TMEM164: variants seen among roughly 807,000 people sequenced by gnomAD.
TMEM164 encodes RP13-360B22.2.
A neutral mutation model predicts 18.8 loss-of-function variants in TMEM164; 4 were observed. The ratio of observed to expected loss-of-function variants is 0.21; its 90% confidence interval spans 0.10 to 0.49. The LOEUF (loss-of-function observed/expected upper bound fraction) is 0.49, where lower values mean the gene tolerates loss of function less well. TMEM164 is among the 20% of genes least tolerant of loss of function. TMEM164 has a pLI of 0.98. For synonymous variants in TMEM164, 86 were observed against 101.7 expected, an observed-to-expected ratio of 0.85 and a Z score of 0.93; for missense variants, 108 against 239.9, an observed-to-expected ratio of 0.45 and a Z score of 3.63.
At chrX:110,073,456 C>T (rs1019852689) in intron 3 of TMEM164, among the ~76,000 whole-genome samples, 1 of 112,327 alleles carries the variant, frequency 8.9e-6, no homozygotes, top group Non-Finnish European at 1.9e-5. Flanking sequence ...GCCTCAGCTG[C>T]ATCCATGCTG....
intron 5 of TMEM164, among the ~76,000 whole-genome samples, chrX:110,163,897 G>T (rs908400997): frequency 4.5e-5 from 5 of 112,206 alleles, no homozygotes; most frequent in African/African-American, 1.6e-4. Context: ...AGATAGATGG[G>T]TAAATGTGAT....
chrX:110,149,915 C>T (rs2066916683), intron 5 of TMEM164, among the ~76,000 whole-genome samples: 1 of 111,860 alleles, frequency 8.9e-6, no homozygotes, highest in Non-Finnish European at 1.9e-5. Flanking sequence ...TGCATCCGTT[C>T]ATCTCACATA....
chrX:110,105,749 ATGAGAGAGAGAGAGAGAG>A, intron 3 of TMEM164, among the ~76,000 whole-genome samples: 1 of 53,926 alleles, frequency 1.9e-5, no homozygotes, highest in Admixed American at 2.4e-4. Context: ...GAGAGAGAGA[ATGAGAGAGAGAGAGAGAG>A]AGAGAGAGAG....
intron 4 of TMEM164, among the ~76,000 whole-genome samples, chrX:110,135,052 T>C (rs1198129540): frequency 9.1e-5 from 3 of 32,808 alleles, no homozygotes; most frequent in Non-Finnish European, 1.8e-4. Flanking sequence ...AATACATTCA[T>C]TTGTTATAAA....
intron 2 of TMEM164, among the ~76,000 whole-genome samples, chrX:110,033,134 G>C (rs1210621145): frequency 8.9e-6 from 1 of 111,875 alleles, no homozygotes; most frequent in Admixed American, 9.5e-5. Flanking sequence ...AGTGCATTCT[G>C]TCTCTTCTCT....
chrX:110,056,696 G>A (rs1935850333), intron 2 of TMEM164, among the ~76,000 whole-genome samples: 1 of 111,480 alleles, frequency 9.0e-6, no homozygotes, highest in African/African-American at 3.3e-5. Flanking sequence ...ACATCCTCAT[G>A]CACACTTGTG....
chrX:110,024,964 A>T (rs772613456), intron 2 of TMEM164, among the ~76,000 whole-genome samples: 8 of 104,361 alleles, frequency 7.7e-5, no homozygotes, highest in Non-Finnish European at 1.2e-4. Flanking sequence ...GCTTGATCTT[A>T]AAATTTTTAT....
intron 3 of TMEM164, among the ~76,000 whole-genome samples, chrX:110,107,574 T>C (rs950703683): frequency 2.2e-4 from 24 of 110,797 alleles, no homozygotes; most frequent in African/African-American, 7.9e-4. Flanking sequence ...GTCTTGGGGT[T>C]TCTGTGCCAT....
chrX:110,065,123 A>G (rs932687400), intron 2 of TMEM164: 1 of 111,469 alleles, frequency 9.0e-6, no homozygotes, highest in Admixed American at 9.6e-5. Flanking sequence ...AGGACAACCA[A>G]CTGGGTTGAA....
At chrX:110,073,880 G>C (rs1022469515) in intron 3 of TMEM164, among the ~76,000 whole-genome samples, 1 of 110,546 alleles carries the variant, frequency 9.0e-6, no homozygotes, top group Non-Finnish European at 1.9e-5. Flanking sequence ...TCATTTTGTT[G>C]TTGTTGTTGT....
rs200507409 is a variant in TMEM164, at chrX:110,075,995, TCTC to T, written c.440+8605_440+8607del. 2.3e-3 allele frequency among the ~76,000 whole-genome samples: 181 copies of T among 80,106 alleles called. 1 individual carries two copies. In the East Asian group the frequency reaches 0.035, roughly 16 times the overall value. 69.6% of individuals were successfully genotyped at this position (80,106 alleles called of 115,157 possible). A position where few individuals can be genotyped will look rare whatever the true frequency, so the allele number is the denominator to read the frequency against. ...TTGTAGCATGATTTAGGGAGGAGTC[TCTC>T]CTCCTTGATTTTTTTTTTTTTTTTT... is the stretch of plus-strand genomic sequence containing the variant. On this transcript the variant is annotated intron_variant, in intron 3 of 6. Transcript: ENST00000372068.
At chrX:110,101,081 C>T (rs776277298) in intron 3 of TMEM164, among the ~76,000 whole-genome samples, 1 of 110,179 alleles carries the variant, frequency 9.1e-6, no homozygotes, top group South Asian at 3.9e-4. Context: ...CCTTCCTCCC[C>T]ACTACCCAAC....
chrX:110,030,466 G>A (rs1438357148), intron 2 of TMEM164, among the ~76,000 whole-genome samples: 1 of 104,727 alleles, frequency 9.5e-6, no homozygotes, highest in Non-Finnish European at 1.9e-5. Context: ...TTAAATGTGG[G>A]TTTTATTATT....
At chrX:110,002,696 A>C (rs755608275), upstream of TMEM164, 1 of 110,538 alleles carries the variant, frequency 9.0e-6, no homozygotes, top group Admixed American at 9.4e-5. Flanking sequence ...GGCGGCCGCC[A>C]GGGGAACCGA....
chrX:110,147,532 G>GC (rs1436954708), intron 5 of TMEM164, among the ~76,000 whole-genome samples: 1 of 111,223 alleles, frequency 9.0e-6, no homozygotes, highest in African/African-American at 3.3e-5. Flanking sequence ...ATGCTGCAGA[G>GC]CCCCCTCTGT....
intron 2 of TMEM164, among the ~76,000 whole-genome samples, chrX:110,050,452 C>T (rs935242979): frequency 9.0e-6 from 1 of 110,996 alleles, no homozygotes; most frequent in Admixed American, 9.6e-5. Flanking sequence ...CATATTTTGT[C>T]CACTTTCAGC....
intron 2 of TMEM164, among the ~76,000 whole-genome samples, chrX:110,058,609 C>T (rs868273640): frequency 1.1e-4 from 9 of 81,191 alleles, no homozygotes; most frequent in Non-Finnish European, 1.6e-4. Flanking sequence ...CCCTTTCTTT[C>T]TTTTTTTTTT....
At chrX:110,107,816 T>C (rs868813309) in intron 3 of TMEM164, among the ~76,000 whole-genome samples, 41 of 109,896 alleles carry the variant, frequency 3.7e-4, no homozygotes, top group African/African-American at 1.2e-3. Flanking sequence ...CCTGCCACCA[T>C]GCCTGGCTAA....
chrX:110,027,205 G>A (rs1336303945), intron 2 of TMEM164, among the ~76,000 whole-genome samples: 1 of 111,126 alleles, frequency 9.0e-6, no homozygotes, highest in Admixed American at 9.6e-5. Context: ...GATTATAGAA[G>A]TTCCCTCCTA....
Sources: gnomAD v4.1 joint callset for allele counts (sites outside exome capture counted in the v4.1 genomes callset) on GRCh38, gnomAD v4.1.1 for gene constraint, MANE v1.5 for transcripts, NCBI Gene and HGNC (gene_info 2026-07-23, HGNC 2026-07-21) for gene names.